MAST4: variants seen among roughly 807,000 people sequenced by gnomAD.
MAST4 encodes the protein microtubule associated serine/threonine kinase family member 4.
Under a neutral mutation model 162.7 loss-of-function variants are expected in MAST4, and 89 were observed. The ratio of observed to expected loss-of-function variants is 0.55; its 90% confidence interval spans 0.46 to 0.65. MAST4 has a LOEUF of 0.65. Ranked by LOEUF, MAST4 falls within the 30% of genes least tolerant of loss-of-function variation. MAST4 has a pLI of 0.00. For missense variants in MAST4, 3,153 were observed against 3,374.0 expected (o/e 0.93, Z 1.62); for synonymous variants, 1,479 against 1,361.1 (o/e 1.09, Z -1.91).
chr5:67,110,060 A>G (rs1766048678), intron 10 of MAST4, 38 bp from the exon 11 acceptor site: 2 of 1,443,416 alleles, frequency 1.4e-6, no homozygotes, highest in African/African-American at 1.4e-5. Context: ...TTAATGGAAC[A>G]ACTCTGCATC....
chr5:66,788,607 C>CCAAGCAAAAAAAAAACAAA, intron 2 of MAST4, 63 bp from the exon 3 acceptor site: 1 of 1,373,726 alleles, frequency 7.3e-7, no homozygotes, highest in Non-Finnish European at 1.0e-6. Context: ...CCCCCACCCC[C>CCAAGCAAAAAAAAAACAAA]ATTGCAATAA....
intron 3 of MAST4, chr5:66,828,740 T>C (rs2149750742): frequency 6.6e-7 from 1 of 1,518,310 alleles, no homozygotes; most frequent in Non-Finnish European, 8.9e-7. Context: ...TAGAGCGTGA[T>C]GTAAGTGTTT....
intron 4 of MAST4, among the ~76,000 whole-genome samples, chr5:66,977,557 C>G (rs955638102): frequency 6.6e-6 from 1 of 152,170 alleles, no homozygotes; most frequent in African/African-American, 2.4e-5. Context: ...TGCCCCTATG[C>G]ATGATCTTGT....
intron 3 of MAST4, among the ~76,000 whole-genome samples, chr5:66,790,014 TTTTTG>T (rs1755320275): frequency 1.6e-5 from 2 of 121,784 alleles, no homozygotes; most frequent in East Asian, 2.2e-4. Flanking sequence ...TTTTTTTTTT[TTTTTG>T]CTGGTGGGCC....
intron 1 of MAST4, among the ~76,000 whole-genome samples, chr5:66,706,121 A>C (rs1385797071): frequency 6.6e-6 from 1 of 152,232 alleles, no homozygotes; most frequent in Admixed American, 6.5e-5. Context: ...ACTTTAAGTC[A>C]CAAAATCTAG....
intron 5 of MAST4, among the ~76,000 whole-genome samples, chr5:67,078,195 A>G (rs1279125973): frequency 1.3e-5 from 2 of 152,140 alleles, no homozygotes; most frequent in African/African-American, 4.8e-5. Flanking sequence ...TAAAACACCT[A>G]AAAGCCATAA....
intron 3 of MAST4, among the ~76,000 whole-genome samples, chr5:66,840,392 A>G (rs1758334858): frequency 6.6e-6 from 1 of 152,130 alleles, no homozygotes; most frequent in Admixed American, 6.6e-5. Context: ...TTTTCTTTAA[A>G]ACTATATTCC....
chr5:67,049,799 G>T (rs770228199), intron 4 of MAST4, among the ~76,000 whole-genome samples: 19 of 152,116 alleles, frequency 1.2e-4, no homozygotes, highest in Non-Finnish European at 2.5e-4. Flanking sequence ...GAAATGATCA[G>T]AATTTATGTC....
intron 4 of MAST4, among the ~76,000 whole-genome samples, chr5:67,029,822 A>T (rs2083473838): frequency 6.6e-6 from 1 of 152,164 alleles, no homozygotes; most frequent in Admixed American, 6.5e-5. Context: ...ATATAAATTC[A>T]TTGCTGTTGA....
At chr5:66,907,589 T>A (rs1270401430) in intron 4 of MAST4, among the ~76,000 whole-genome samples, 71 of 3,324 alleles carry the variant, frequency 0.021, 2 homozygotes, top group South Asian at 0.16. Flanking sequence ...GGTTGATGCG[T>A]GTGTGTGTGT....
At chr5:66,632,503 G>A (rs1744852375) in intron 1 of MAST4, among the ~76,000 whole-genome samples, 1 of 152,130 alleles carries the variant, frequency 6.6e-6, no homozygotes, top group South Asian at 2.1e-4. Flanking sequence ...TTATTTAGTA[G>A]GTGGAGGGTA....
chr5:67,159,332 C>T (rs1215039829), intron 26 of MAST4, among the ~76,000 whole-genome samples: 1 of 152,008 alleles, frequency 6.6e-6, no homozygotes, highest in African/African-American at 2.4e-5. Flanking sequence ...GGGTGGTAAG[C>T]TTCTTAATTT....
At chr5:67,141,442 C>T (rs1770404325) in intron 19 of MAST4, among the ~76,000 whole-genome samples, 2 of 152,076 alleles carry the variant, frequency 1.3e-5, no homozygotes, top group Admixed American at 1.3e-4. Flanking sequence ...TTTAAAATCG[C>T]TCTTTAAAAT....
intron 4 of MAST4, among the ~76,000 whole-genome samples, chr5:67,043,968 T>G (rs1275966610): frequency 6.6e-6 from 1 of 152,142 alleles, no homozygotes; most frequent in African/African-American, 2.4e-5. Flanking sequence ...CACCTCCACC[T>G]TTCCCCCAAC....
At chr5:66,893,209 TG>T (rs1762468165) in intron 3 of MAST4, among the ~76,000 whole-genome samples, 1 of 152,152 alleles carries the variant, frequency 6.6e-6, no homozygotes, top group African/African-American at 2.4e-5. Context: ...GTTTTGTTTT[TG>T]ATGTTGTTTT....
At position 66,996,980 on chromosome 5, in the gene MAST4, G is replaced by A. The variant is rs191396226; in HGVS notation, c.675-57424G>A. Among the ~76,000 whole-genome samples the A allele has an allele frequency of 3.5e-4, 53 of 152,134 alleles. No individual in the cohort carries two copies. In the East Asian group the frequency reaches 8.9e-3, roughly 25 times the overall value. ...TACTGGTTTTCTAAAATTCTATTTT[G>A]TGGCTGTTTTAGGATGTATTAACAA... On this transcript the variant is annotated intron_variant, in intron 4 of 28. Coordinates refer to ENST00000403625, the MANE Select transcript of MAST4 (RefSeq NM_001164664.2).
chr5:66,640,068 C>T (rs536885854), intron 1 of MAST4, among the ~76,000 whole-genome samples: 1 of 152,132 alleles, frequency 6.6e-6, no homozygotes, highest in Non-Finnish European at 1.5e-5. Flanking sequence ...AACTTTGTAT[C>T]CTTTGACCTA....
chr5:66,946,399 T>C (rs1744030018), intron 4 of MAST4, among the ~76,000 whole-genome samples: 1 of 152,188 alleles, frequency 6.6e-6, no homozygotes, highest in Admixed American at 6.6e-5. Context: ...AGACCTTTCC[T>C]AATTCTAAAT....
chr5:66,632,664 A>G (rs1317845585), intron 1 of MAST4, among the ~76,000 whole-genome samples: 4 of 152,182 alleles, frequency 2.6e-5, no homozygotes, highest in Non-Finnish European at 4.4e-5. Flanking sequence ...CTCTGTGTGT[A>G]TGTATATATG....
Sources: allele counts gnomAD v4.1 joint callset (sites outside exome capture counted in the v4.1 genomes callset), GRCh38; gene constraint gnomAD v4.1.1; transcripts MANE v1.5; gene names NCBI Gene and HGNC (gene_info 2026-07-23, HGNC 2026-07-21).